The following LTA variants were observed in gnomAD, a reference collection of about 807,000 sequenced individuals.
The protein encoded by LTA is lymphotoxin-alpha.
LTA carries 6 observed loss-of-function variants against 15.1 expected under a neutral mutation model. That is an observed-to-expected ratio of 0.40 (90% CI 0.22 to 0.78). The LOEUF (loss-of-function observed/expected upper bound fraction) is 0.78. LTA is among the 30% of genes least tolerant of loss of function. LTA has a pLI of 0.38. For missense variants in LTA, 173 were observed against 249.5 expected (o/e 0.69, Z 2.06); for synonymous variants, 87 against 107.3 (o/e 0.81, Z 1.17).
chr6:31,562,059 A>G, the LTA span, among the ~76,000 whole-genome samples: 1 of 151,586 alleles, frequency 6.6e-6, no homozygotes. Flanking sequence ...GAGCATGATC[A>G]AAGGAAGAGA....
intron 1 of LTA, 88 bp from the exon 2 acceptor site, chr6:31,572,646 G>GCC: frequency 3.9e-6 from 3 of 775,500 alleles, no homozygotes; most frequent in South Asian, 1.7e-5. Context: ...GGGGTCGGGG[G>GCC]GTGCTCTCTC....
chr6:31,565,945 C>T, the LTA span, among the ~76,000 whole-genome samples: 6,014 of 152,000 alleles, frequency 0.04, 192 homozygotes, highest in South Asian at 0.17. Flanking sequence ...TTTGGGAGGC[C>T]GAGGTGGGTG....
At chr6:31,572,034 C>T (rs1314693983), upstream of LTA, 1 of 154,568 alleles carries the variant, frequency 6.5e-6, no homozygotes, top group East Asian at 1.9e-4. Context: ...AACTCTAGGC[C>T]TGACCCCACT....
chr6:31,563,307 G>T, the LTA span, among the ~76,000 whole-genome samples: 1 of 152,068 alleles, frequency 6.6e-6, no homozygotes, highest in African/African-American at 2.4e-5. Flanking sequence ...TGTAAGGAAA[G>T]ATTAAATATA....
upstream of LTA, among the ~76,000 whole-genome samples, chr6:31,569,372 T>C (rs1049339013): frequency 6.6e-6 from 1 of 151,608 alleles, no homozygotes; most frequent in Non-Finnish European, 1.5e-5. Flanking sequence ...GCTCATACCA[T>C]TAGAGAAGCA....
upstream of LTA, among the ~76,000 whole-genome samples, chr6:31,570,837 A>G (rs530556427): frequency 2.0e-5 from 3 of 152,264 alleles, no homozygotes; most frequent in Admixed American, 2.0e-4. Context: ...TGATGCCCCA[A>G]ACCAGGAGGA....
chr6:31,563,942 G>C, the LTA span, among the ~76,000 whole-genome samples: 1 of 152,172 alleles, frequency 6.6e-6, no homozygotes, highest in South Asian at 2.1e-4. Context: ...AAGTGGAGTT[G>C]AAATTGTTGA....
At chr6:31,566,467 C>CTT in the LTA span, among the ~76,000 whole-genome samples, 1 of 151,518 alleles carries the variant, frequency 6.6e-6, no homozygotes, top group Non-Finnish European at 1.5e-5. Context: ...ACATGGTGTA[C>CTT]TTTCTATACT....
chr6:31,561,049 T>G, the LTA span, among the ~76,000 whole-genome samples: 1 of 151,852 alleles, frequency 6.6e-6, no homozygotes, highest in Non-Finnish European at 1.5e-5. Context: ...GTTCACTAGG[T>G]GGAGGTGGAT....
chr6:31,567,239 G>A (rs867037810), upstream of LTA, among the ~76,000 whole-genome samples: 16 of 151,684 alleles, frequency 1.1e-4, no homozygotes, highest in African/African-American at 3.9e-4. Flanking sequence ...AGGTTGCAGT[G>A]AGATGAGATC....
In LTA at chr6:31,572,718, C is replaced by CTCTCTCTT; in HGVS notation, c.-9-11_-9-10insCTTTCTCT. 3 of 1,568,292 alleles carry CTCTCTCTT rather than the reference C, an allele frequency of 1.9e-6. No homozygotes were observed. In the South Asian group the frequency reaches 3.3e-5, roughly 17 times the overall value. On this transcript the variant is annotated splice_polypyrimidine_tract_variant and intron_variant, in intron 1 of 3. Coordinates refer to ENST00000418386, the MANE Select transcript of LTA (RefSeq NM_000595.4). ...CCCCGCTCACTGTCTCTCTCTCTCT[C>CTCTCTCTT]TCTCTTTCTCTGCAGGTTCTCCCCA...
chr6:31,573,238 A>G, intron 3 of LTA, 43 bp from the exon 4 acceptor site: 3 of 1,567,616 alleles, frequency 1.9e-6, no homozygotes, highest in Non-Finnish European at 2.6e-6. Context: ...CCTCTGATCC[A>G]GACCCCTGAT....
At chr6:31,573,080 C>T in intron 3 of LTA, 47 bp downstream of exon 3, 1 of 1,494,150 alleles carries the variant, frequency 6.7e-7, no homozygotes, top group South Asian at 1.1e-5. Flanking sequence ...CAGCTCTCCT[C>T]CTACCCCTGC....
the LTA span, among the ~76,000 whole-genome samples, chr6:31,566,335 C>T: frequency 5.3e-4 from 80 of 152,098 alleles, no homozygotes; most frequent in Non-Finnish European, 9.3e-4. Context: ...AAAAGTGAGA[C>T]TCCATCTCTT....
chr6:31,563,159 AAAAC>A, the LTA span, among the ~76,000 whole-genome samples: 62 of 152,282 alleles, frequency 4.1e-4, no homozygotes, highest in Admixed American at 1.4e-3. Flanking sequence ...GCCTATCCCA[AAAAC>A]AAACAAGAAA....
chr6:31,562,227 T>C, the LTA span, among the ~76,000 whole-genome samples: 1 of 151,890 alleles, frequency 6.6e-6, no homozygotes, highest in South Asian at 2.1e-4. Context: ...GATTACAAAT[T>C]TTGAGAAAAC....
the LTA span, among the ~76,000 whole-genome samples, chr6:31,561,219 CTGCA>C: frequency 6.6e-6 from 1 of 152,216 alleles, no homozygotes; most frequent in Non-Finnish European, 1.5e-5. Context: ...AGAGATTGGA[CTGCA>C]TCCTGTGGGC....
At chr6:31,573,145 A>T in intron 3 of LTA, 112 bp downstream of exon 3, 1 of 1,226,516 alleles carries the variant, frequency 8.2e-7, no homozygotes, top group South Asian at 1.3e-5. Context: ...GCTAAAAAAA[A>T]CAGAGGGAGC....
chr6:31,560,928 G>C, the LTA span, among the ~76,000 whole-genome samples: 1 of 152,136 alleles, frequency 6.6e-6, no homozygotes, highest in Non-Finnish European at 1.5e-5. Context: ...CTGATTCAAG[G>C]CATGATGAGT....
Sources: allele counts gnomAD v4.1 joint callset (sites outside exome capture counted in the v4.1 genomes callset), GRCh38; gene constraint gnomAD v4.1.1; transcripts MANE v1.5; gene names NCBI Gene and HGNC (gene_info 2026-07-23, HGNC 2026-07-21).